The following STXBP3 variants were observed in gnomAD, a reference collection of about 807,000 sequenced individuals.
The protein encoded by STXBP3 is syntaxin-binding protein 3.
In STXBP3, 41 loss-of-function variants were observed where a neutral mutation model predicts 85.7. That is an observed-to-expected ratio of 0.48 (90% confidence interval 0.37 to 0.62). The LOEUF (loss-of-function observed/expected upper bound fraction) is 0.62. STXBP3 is among the 20% of genes least tolerant of loss of function. The probability of loss-of-function intolerance (pLI) is 0.00; values close to 1 mark genes in which losing one functional copy is unlikely to be tolerated. For synonymous variants in STXBP3, 229 were observed against 231.7 expected, an observed-to-expected ratio of 0.99 and a Z score of 0.10; for missense variants, 563 against 703.1, an observed-to-expected ratio of 0.80 and a Z score of 2.25.
Position 108,808,923 on chromosome 1 carries a change from T to C in STXBP3, c.*46T>C, listed in dbSNP as rs1335103319. 5 of 1,296,752 alleles carry C rather than the reference T, an allele frequency of 3.9e-6. No individual in the cohort carries two copies. The highest frequency in any genetic ancestry group is 2.6e-5 in the South Asian group (2 of 75,848). 80.3% of individuals were successfully genotyped at this position (1,296,752 alleles called of 1,614,324 possible). Reference sequence around the variant, plus strand: ...AGAGATTCTTACTAATATGTTGAACTAAAATAGAAAGAAAATGTTGCTGTC... The same window carrying C: ...AGAGATTCTTACTAATATGTTGAACCAAAATAGAAAGAAAATGTTGCTGTC... On this transcript the variant is annotated 3_prime_UTR_variant, in exon 19 of 19. Coordinates refer to ENST00000370008, the MANE Select transcript of STXBP3 (RefSeq NM_007269.4).
At chr1:108,790,021 A>C (rs1662943378) in intron 11 of STXBP3, among the ~76,000 whole-genome samples, 1 of 150,044 alleles carries the variant, frequency 6.7e-6, no homozygotes, top group African/African-American at 2.4e-5. Flanking sequence ...TTGATTTCTG[A>C]CCTAGCATAT....
At chr1:108,801,026 A>G (rs1316669834) in intron 17 of STXBP3, among the ~76,000 whole-genome samples, 1 of 152,134 alleles carries the variant, frequency 6.6e-6, no homozygotes, top group Non-Finnish European at 1.5e-5. Context: ...CTCCTGTTAC[A>G]CATAAGTTGG....
At chr1:108,767,991 T>C (rs1248981412) in intron 6 of STXBP3, among the ~76,000 whole-genome samples, 2 of 152,164 alleles carry the variant, frequency 1.3e-5, no homozygotes, top group African/African-American at 4.8e-5. Flanking sequence ...TACACATAAG[T>C]GCATGGGAAA....
At chr1:108,786,118 G>A (rs1003607217) in intron 11 of STXBP3, among the ~76,000 whole-genome samples, 7 of 152,146 alleles carry the variant, frequency 4.6e-5, no homozygotes, top group Non-Finnish European at 1.5e-5. Context: ...ACGCTTTTAT[G>A]AAGAAATACC....
chr1:108,789,062 T>TA (rs1007459357), intron 11 of STXBP3, among the ~76,000 whole-genome samples: 9 of 151,412 alleles, frequency 5.9e-5, no homozygotes, highest in South Asian at 2.1e-4. Context: ...AGACTCCATG[T>TA]AAAAAAAAAT....
chr1:108,799,924 G>C (rs1247435934), intron 16 of STXBP3, among the ~76,000 whole-genome samples: 1 of 152,104 alleles, frequency 6.6e-6, no homozygotes, highest in Non-Finnish European at 1.5e-5. Flanking sequence ...AATGATTAGA[G>C]ACCCCCGGCA....
chr1:108,753,663 A>G (rs542918994), intron 3 of STXBP3, among the ~76,000 whole-genome samples: 4 of 152,186 alleles, frequency 2.6e-5, no homozygotes, highest in Non-Finnish European at 5.9e-5. Flanking sequence ...AAAAAAAATC[A>G]TAATGTCATA....
At chr1:108,782,976 C>T (rs927210642) in intron 11 of STXBP3, among the ~76,000 whole-genome samples, 5 of 152,192 alleles carry the variant, frequency 3.3e-5, no homozygotes, top group East Asian at 3.8e-4. Context: ...CATCTCAGCT[C>T]ACTGCAGTCT....
In STXBP3 at chr1:108,776,387, A is replaced by C. The variant is rs1431332096; in HGVS notation, c.648A>C (p.Glu216Asp). The C allele has an allele frequency of 6.2e-6, 10 of 1,609,204 alleles. No homozygotes were observed. The highest frequency in any genetic ancestry group is 8.5e-6 in the Non-Finnish European group (10 of 1,177,590). Residue 216 changes from glutamate to aspartate, a missense_variant, in exon 8 of 19, where the codon GAA becomes GAC. Physicochemically the swap from Glu to Asp is conservative, Grantham distance 45 (BLOSUM62 2). This residue lies in a region of STXBP3 where 494 missense variants were observed against 592.8 expected (regional missense o/e 0.83). Transcript: ENST00000370008. ...KLAQLVEKKLEDYYKIDEKSL... is the reference protein window; with the variant it reads ...KLAQLVEKKLDDYYKIDEKSL... ...CACAGCTTGTTGAAAAAAAGCTTGAAGACTACTACAAGATTGATGAAAAGA... is the reference window on the plus strand; with the variant it reads ...CACAGCTTGTTGAAAAAAAGCTTGACGACTACTACAAGATTGATGAAAAGA...
At chr1:108,779,441 C>T (rs749602348) in intron 9 of STXBP3, 31 bp downstream of exon 9, 1 of 1,590,608 alleles carries the variant, frequency 6.3e-7, no homozygotes, top group Non-Finnish European at 8.6e-7. Context: ...ATATAAAGGG[C>T]ATATACAAAC....
intron 17 of STXBP3, among the ~76,000 whole-genome samples, chr1:108,803,404 C>G (rs570143925): frequency 2.0e-5 from 3 of 152,174 alleles, no homozygotes; most frequent in African/African-American, 7.2e-5. Context: ...CCTGTTAAAT[C>G]GCCCACCACC....
chr1:108,763,086 T>C (rs1195376583), intron 6 of STXBP3, among the ~76,000 whole-genome samples: 1 of 152,314 alleles, frequency 6.6e-6, no homozygotes, highest in African/African-American at 2.4e-5. Flanking sequence ...AGGCACAGAA[T>C]CCTGTTTCTT....
intron 1 of STXBP3, among the ~76,000 whole-genome samples, chr1:108,751,313 CAG>C (rs771815642): frequency 4.5e-4 from 69 of 152,232 alleles, no homozygotes; most frequent in South Asian, 1.0e-3. Flanking sequence ...GTGCTAGGAA[CAG>C]GGGGTAAAAA....
At chr1:108,782,388 A>T (rs1662733828) in intron 9 of STXBP3, 34 bp from the exon 10 acceptor site, 3 of 1,509,270 alleles carry the variant, frequency 2.0e-6, no homozygotes, top group Non-Finnish European at 2.7e-6. Flanking sequence ...AGGGAAAAAA[A>T]TCAAAAAGTT....
intron 7 of STXBP3, among the ~76,000 whole-genome samples, chr1:108,775,064 TTTAATTTATTG>T (rs1662557949): frequency 6.6e-6 from 1 of 151,982 alleles, no homozygotes; most frequent in Admixed American, 6.6e-5. Context: ...GTACAAAGAG[TTTAATTTATTG>T]TACAATTAAT....
chr1:108,771,488 C>CATATATAATTATATATG (rs1662409402), intron 6 of STXBP3, among the ~76,000 whole-genome samples: 1 of 14,894 alleles, frequency 6.7e-5, no homozygotes, highest in East Asian at 4.5e-4. Flanking sequence ...CTATATATAT[C>CATATATAATTATATATG]ATATATAAAT....
chr1:108,792,641 CTT>C (rs577315437), intron 11 of STXBP3, among the ~76,000 whole-genome samples: 402 of 152,238 alleles, frequency 2.6e-3, no homozygotes, highest in African/African-American at 9.4e-3. Flanking sequence ...TGTTTTGTCA[CTT>C]GAGTATCAAT....
intron 17 of STXBP3, among the ~76,000 whole-genome samples, chr1:108,801,275 T>C (rs550558974): frequency 7.2e-5 from 11 of 152,166 alleles, no homozygotes; most frequent in Non-Finnish European, 1.5e-4. Flanking sequence ...TCCTACTGAA[T>C]GTTTTTTTTT....
At chr1:108,775,980 G>A (rs1013749454) in intron 7 of STXBP3, among the ~76,000 whole-genome samples, 1 of 151,648 alleles carries the variant, frequency 6.6e-6, no homozygotes, top group Non-Finnish European at 1.5e-5. Context: ...ATGACTGGAG[G>A]GAGAATACAC....
Sources: gnomAD v4.1 joint callset for allele counts (sites outside exome capture counted in the v4.1 genomes callset) on GRCh38, gnomAD v4.1.1 for gene constraint, gnomAD v4.1.1 regional missense constraint, MANE v1.5 for transcripts, NCBI Gene and HGNC (gene_info 2026-07-23, HGNC 2026-07-21) for gene names.